CWC27: variants seen among roughly 807,000 people sequenced by gnomAD.
The protein encoded by CWC27 is CWC27 spliceosome associated cyclophilin.
In CWC27, 47 loss-of-function variants were observed where a neutral mutation model predicts 63.6. That is an observed-to-expected ratio of 0.74 (90% CI 0.58 to 0.94). CWC27 has a LOEUF of 0.94. Among genes scored for constraint, CWC27 ranks in the 40% least tolerant of loss-of-function variants. The probability of loss-of-function intolerance (pLI) is 0.00; values close to 1 mark genes in which losing one functional copy is unlikely to be tolerated. For missense variants in CWC27, 495 were observed against 554.3 expected (o/e 0.89, Z 1.07); for synonymous variants, 175 against 179.8 (o/e 0.97, Z 0.22).
chr5:64,865,501 T>A (rs7716164), intron 10 of CWC27, among the ~76,000 whole-genome samples: 1,647 of 152,180 alleles, frequency 0.011, 24 homozygotes, highest in African/African-American at 0.038. Context: ...TTATATAGAT[T>A]GGTATGACAT....
At chr5:64,885,238 G>A (rs190894411) in intron 10 of CWC27, among the ~76,000 whole-genome samples, 17 of 151,974 alleles carry the variant, frequency 1.1e-4, no homozygotes, top group South Asian at 4.1e-4. Context: ...ATAGTAATTC[G>A]TATTGTTATT....
chr5:64,831,482 A>G (rs1745517212), intron 10 of CWC27, among the ~76,000 whole-genome samples: 2 of 146,448 alleles, frequency 1.4e-5, no homozygotes, highest in African/African-American at 5.3e-5. Flanking sequence ...TTTGAGATAG[A>G]TAGATAGATA....
intron 10 of CWC27, among the ~76,000 whole-genome samples, chr5:64,837,575 C>T (rs1432708990): frequency 6.6e-6 from 1 of 150,704 alleles, no homozygotes; most frequent in Non-Finnish European, 1.5e-5. Flanking sequence ...TAGCATTAGT[C>T]TTATCTCTTT....
intron 10 of CWC27, among the ~76,000 whole-genome samples, chr5:64,809,325 T>C (rs1744795921): frequency 6.6e-6 from 1 of 152,186 alleles, no homozygotes; most frequent in Non-Finnish European, 1.5e-5. Context: ...TTTTAGCAAT[T>C]TTGAAGTACA....
chr5:64,992,829 T>A (rs1309551), intron 13 of CWC27, among the ~76,000 whole-genome samples: 2 of 151,676 alleles, frequency 1.3e-5, no homozygotes, highest in Non-Finnish European at 2.9e-5. Context: ...CACTGCACCC[T>A]GCCACTTTCT....
chr5:64,883,470 G>C (rs1444905290), intron 10 of CWC27, among the ~76,000 whole-genome samples: 2 of 152,060 alleles, frequency 1.3e-5, no homozygotes, highest in Non-Finnish European at 2.9e-5. Context: ...ATAGAGATGA[G>C]AAAAATGTCA....
intron 13 of CWC27, among the ~76,000 whole-genome samples, chr5:65,002,676 T>A (rs1204682480): frequency 6.6e-6 from 1 of 152,138 alleles, no homozygotes; most frequent in Non-Finnish European, 1.5e-5. Flanking sequence ...GATTTTTTTT[T>A]AATTTATTGA....
intron 13 of CWC27, among the ~76,000 whole-genome samples, chr5:64,984,214 T>C (rs1168517492): frequency 2.0e-5 from 3 of 152,328 alleles, no homozygotes; most frequent in African/African-American, 7.2e-5. Context: ...GTGCTTCACA[T>C]GCACTTGACT....
intron 11 of CWC27, among the ~76,000 whole-genome samples, chr5:64,969,271 A>G (rs185758203): frequency 6.6e-6 from 1 of 152,334 alleles, no homozygotes; most frequent in African/African-American, 2.4e-5. Context: ...AAGGTTTTCA[A>G]TCTTTTTTAG....
chr5:64,871,156 T>G lies in CWC27; in HGVS notation c.939-14287T>G, dbSNP rs576074689. ...GATTAGCACTACCAACAATTTAGTT[T>G]GGTTTAATGTATTTATTGAGTATTG... On this transcript the variant is annotated intron_variant, in intron 10 of 13. Coordinates refer to ENST00000381070, the MANE Select transcript of CWC27 (RefSeq NM_005869.4). Among the ~76,000 whole-genome samples, 3 of 152,286 alleles carry G rather than the reference T, an allele frequency of 2.0e-5. No homozygotes were observed. In the South Asian group the frequency reaches 6.2e-4, roughly 32 times the overall value.
intron 10 of CWC27, among the ~76,000 whole-genome samples, chr5:64,883,565 G>T (rs555885017): frequency 6.6e-6 from 1 of 152,088 alleles, no homozygotes; most frequent in East Asian, 1.9e-4. Context: ...GCCTGACTGG[G>T]ATAGAATTCT....
chr5:65,010,261 T>C (rs1365480773), intron 13 of CWC27, among the ~76,000 whole-genome samples: 1 of 151,856 alleles, frequency 6.6e-6, no homozygotes, highest in Non-Finnish European at 1.5e-5. Context: ...AGAGAAGTGA[T>C]GTGGACAAAA....
At chr5:65,015,071 C>G (rs1202417712) in intron 13 of CWC27, among the ~76,000 whole-genome samples, 1 of 152,130 alleles carries the variant, frequency 6.6e-6, no homozygotes, top group East Asian at 1.9e-4. Context: ...TCACGGCTCT[C>G]TGCTTTTTTT....
intron 5 of CWC27, among the ~76,000 whole-genome samples, chr5:64,785,929 C>G (rs1743866643): frequency 6.6e-6 from 1 of 151,840 alleles, no homozygotes; most frequent in Non-Finnish European, 1.5e-5. Context: ...CTTTGGGATG[C>G]TGAGGTGGGT....
intron 11 of CWC27, among the ~76,000 whole-genome samples, chr5:64,908,041 C>T (rs1349651722): frequency 2.0e-5 from 3 of 152,228 alleles, no homozygotes; most frequent in Non-Finnish European, 4.4e-5. Context: ...AAATTTCCCT[C>T]TACACATGCT....
intron 11 of CWC27, among the ~76,000 whole-genome samples, chr5:64,948,827 G>A (rs969668308): frequency 6.6e-6 from 1 of 151,900 alleles, no homozygotes; most frequent in Non-Finnish European, 1.5e-5. Context: ...ATTGAGGGAG[G>A]TAAAATGTAG....
At chr5:64,783,200 G>C (rs956325691) in intron 3 of CWC27, among the ~76,000 whole-genome samples, 3 of 152,156 alleles carry the variant, frequency 2.0e-5, no homozygotes, top group Non-Finnish European at 4.4e-5. Context: ...TATCAGGCTG[G>C]ATGGAAATTC....
chr5:64,857,882 A>T (rs915011484), intron 10 of CWC27, among the ~76,000 whole-genome samples: 6 of 152,124 alleles, frequency 3.9e-5, no homozygotes, highest in Non-Finnish European at 8.8e-5. Context: ...TCACGCTTGT[A>T]ATCCCAGCAC....
chr5:64,912,486 A>G (rs899592713), intron 11 of CWC27, among the ~76,000 whole-genome samples: 24 of 152,296 alleles, frequency 1.6e-4, no homozygotes, highest in African/African-American at 5.3e-4. Context: ...TTTTTTATAC[A>G]GAACAGGAAG....
Sources: gnomAD v4.1 joint callset for allele counts (sites outside exome capture counted in the v4.1 genomes callset) on GRCh38, gnomAD v4.1.1 for gene constraint, MANE v1.5 for transcripts, NCBI Gene and HGNC (gene_info 2026-07-23, HGNC 2026-07-21) for gene names.